The following C8orf34 variants were observed in gnomAD, a reference collection of about 807,000 sequenced individuals.
C8orf34 encodes chromosome 8 open reading frame 34.
C8orf34 carries 65 observed loss-of-function variants against 68.3 expected under a neutral mutation model. That is an observed-to-expected ratio of 0.95 (90% confidence interval 0.78 to 1.17). The LOEUF (loss-of-function observed/expected upper bound fraction) is 1.17, where lower values mean the gene tolerates loss of function less well. Ranked by LOEUF, C8orf34 falls within the 50% of genes most tolerant of loss-of-function variation. The pLI, the probability that C8orf34 is intolerant of heterozygous loss-of-function variation, is 0.00. For missense variants in C8orf34, 664 were observed against 655.4 expected (o/e 1.01, Z -0.14); for synonymous variants, 244 against 241.2 (o/e 1.01, Z -0.11).
intron 7 of C8orf34, chr8:68,533,828 G>GA (rs1815352251): frequency 2.8e-5 from 27 of 981,344 alleles, no homozygotes; most frequent in Non-Finnish European, 3.3e-5. Flanking sequence ...GAAAGAAAAT[G>GA]AAATGTTATT....
At chr8:68,422,194 A>G (rs1305102065) in intron 1 of C8orf34, among the ~76,000 whole-genome samples, 1 of 152,218 alleles carries the variant, frequency 6.6e-6, no homozygotes, top group Non-Finnish European at 1.5e-5. Context: ...TAATGTTTTA[A>G]CTTATTCCAG....
intron 8 of C8orf34, among the ~76,000 whole-genome samples, chr8:68,683,719 GA>G (rs1035161941): frequency 6.6e-6 from 1 of 151,884 alleles, no homozygotes; most frequent in African/African-American, 2.4e-5. Flanking sequence ...AAAATCATGT[GA>G]AAAAAAGGTG....
intron 5 of C8orf34, among the ~76,000 whole-genome samples, chr8:68,513,487 G>C (rs954009281): frequency 6.6e-6 from 1 of 152,152 alleles, no homozygotes. Flanking sequence ...CAAGACAGAG[G>C]CTTGATTTCA....
intron 10 of C8orf34, among the ~76,000 whole-genome samples, chr8:68,772,725 T>C (rs576809021): frequency 4.8e-5 from 7 of 146,912 alleles, no homozygotes; most frequent in Non-Finnish European, 9.0e-5. Context: ...CTTTCTTTCT[T>C]TTTCTTTCTT....
In C8orf34 at chr8:68,460,235, G is replaced by A. The variant is rs1358762783; in HGVS notation, c.608-8457G>A. Among the ~76,000 whole-genome samples the A allele has an allele frequency of 2.6e-5, 4 of 152,216 alleles. No homozygotes were observed. The East Asian group carries it at 7.7e-4, about 29-fold the overall frequency. Reference sequence around the variant, plus strand: ...AACTGCAAGGCAGCAGCGAGGCTGGGGGAGGGGCGCCCGCCATTGCCCAGG... The same window carrying A: ...AACTGCAAGGCAGCAGCGAGGCTGGAGGAGGGGCGCCCGCCATTGCCCAGG... On this transcript the variant is annotated intron_variant, in intron 3 of 13. Transcript: ENST00000518698.
intron 12 of C8orf34, among the ~76,000 whole-genome samples, chr8:68,806,883 G>T (rs776319728): frequency 2.6e-5 from 4 of 152,164 alleles, no homozygotes; most frequent in Non-Finnish European, 5.9e-5. Context: ...CAACAAGGAG[G>T]CTCATGCCTT....
intron 7 of C8orf34, among the ~76,000 whole-genome samples, chr8:68,635,128 G>A (rs1003930931): frequency 1.3e-5 from 2 of 152,016 alleles, no homozygotes; most frequent in African/African-American, 2.4e-5. Flanking sequence ...TGAAAGGAGA[G>A]TTCTGGCAGG....
intron 2 of C8orf34, among the ~76,000 whole-genome samples, chr8:68,444,160 C>T (rs763200957): frequency 3.9e-5 from 6 of 152,112 alleles, no homozygotes; most frequent in Non-Finnish European, 8.8e-5. Flanking sequence ...TCTACACTAT[C>T]AGTTTTCTCT....
intron 5 of C8orf34, among the ~76,000 whole-genome samples, chr8:68,519,384 C>A (rs1392177749): frequency 6.6e-6 from 1 of 152,244 alleles, no homozygotes; most frequent in South Asian, 2.1e-4. Flanking sequence ...TTCTCAGAGA[C>A]CTCATAGCTC....
chr8:68,712,855 A>C (rs761307353), intron 9 of C8orf34, among the ~76,000 whole-genome samples: 1 of 152,172 alleles, frequency 6.6e-6, no homozygotes, highest in African/African-American at 2.4e-5. Flanking sequence ...TGTACCCAAC[A>C]ACTGCAGGAT....
chr8:68,752,833 A>G (rs1227477501), intron 10 of C8orf34, among the ~76,000 whole-genome samples: 4 of 152,190 alleles, frequency 2.6e-5, no homozygotes, highest in African/African-American at 7.2e-5. Context: ...TTCATAGATC[A>G]GAGACCAGCT....
intron 1 of C8orf34, among the ~76,000 whole-genome samples, chr8:68,398,493 A>G (rs1054131943): frequency 6.6e-6 from 1 of 152,202 alleles, no homozygotes; most frequent in African/African-American, 2.4e-5. Flanking sequence ...GTGTTATAAA[A>G]TAAAGTATTT....
intron 5 of C8orf34, among the ~76,000 whole-genome samples, chr8:68,500,795 A>G (rs1813735135): frequency 6.6e-6 from 1 of 152,144 alleles, no homozygotes; most frequent in Admixed American, 6.5e-5. Context: ...GGGGAAGGGT[A>G]TACAGAATTT....
At chr8:68,589,445 GA>G (rs974652092) in intron 7 of C8orf34, among the ~76,000 whole-genome samples, 24 of 107,690 alleles carry the variant, frequency 2.2e-4, no homozygotes, top group African/African-American at 7.7e-4. Flanking sequence ...AAGGAAGGGG[GA>G]AAGAATGAAA....
chr8:68,466,708 A>T (rs1178048716), intron 3 of C8orf34, among the ~76,000 whole-genome samples: 1 of 142,190 alleles, frequency 7.0e-6, no homozygotes, highest in African/African-American at 2.7e-5. Flanking sequence ...ACAAAGTCTT[A>T]CACTTTCTGT....
intron 7 of C8orf34, among the ~76,000 whole-genome samples, chr8:68,555,298 T>C (rs1283757984): frequency 2.6e-5 from 4 of 152,096 alleles, no homozygotes; most frequent in African/African-American, 9.7e-5. Context: ...ATTTGGAGGA[T>C]TGTTGTGAGG....
chr8:68,818,146 G>A (rs988070337), intron 13 of C8orf34, 93 bp from the exon 14 acceptor site: 44 of 1,266,458 alleles, frequency 3.5e-5, no homozygotes, highest in Non-Finnish European at 5.0e-5. Context: ...TGGAATAGAG[G>A]AAAGCATTAA....
chr8:68,688,346 A>G (rs529238195), intron 8 of C8orf34, among the ~76,000 whole-genome samples: 25 of 152,178 alleles, frequency 1.6e-4, no homozygotes, highest in African/African-American at 6.0e-4. Context: ...AAAATATGGA[A>G]CCAACCTAAA....
intron 7 of C8orf34, among the ~76,000 whole-genome samples, chr8:68,575,666 G>A (rs1314174831): frequency 5.9e-5 from 9 of 151,932 alleles, no homozygotes; most frequent in African/African-American, 1.2e-4. Flanking sequence ...GCTGATATCC[G>A]CAGCCCTTAC....
Sources: allele counts gnomAD v4.1 joint callset (sites outside exome capture counted in the v4.1 genomes callset), GRCh38; gene constraint gnomAD v4.1.1; transcripts MANE v1.5; gene names NCBI Gene and HGNC (gene_info 2026-07-23, HGNC 2026-07-21).